UTP4: variants seen among roughly 807,000 people sequenced by gnomAD.
UTP4 encodes the protein UTP4 small subunit processome component.
In UTP4, 45 loss-of-function variants were observed where a neutral mutation model predicts 82.4. The observed-to-expected ratio is 0.55, with a 90% CI of 0.43 to 0.70. UTP4 has a LOEUF of 0.70. Ranked by LOEUF, UTP4 falls within the 30% of genes least tolerant of loss-of-function variation. The pLI, the probability that UTP4 is intolerant of heterozygous loss-of-function variation, is 0.00. For missense variants in UTP4, 819 were observed against 858.3 expected (o/e 0.95, Z 0.57); for synonymous variants, 348 against 300.3 (o/e 1.16, Z -1.64).
chr16:69,139,436 C>T (rs967227361), intron 4 of UTP4, among the ~76,000 whole-genome samples: 1 of 151,154 alleles, frequency 6.6e-6, no homozygotes, highest in African/African-American at 2.4e-5. Flanking sequence ...GTCAGGAGTT[C>T]GAAACCAGCG....
intron 6 of UTP4, among the ~76,000 whole-genome samples, chr16:69,149,729 A>G (rs1184901566): frequency 6.7e-6 from 1 of 149,606 alleles, no homozygotes; most frequent in Non-Finnish European, 1.5e-5. Flanking sequence ...TGTTTCTTGC[A>G]TTTTTTTTTC....
chr16:69,148,958 G>C (rs1484714352), intron 6 of UTP4, among the ~76,000 whole-genome samples: 1 of 151,922 alleles, frequency 6.6e-6, no homozygotes, highest in Non-Finnish European at 1.5e-5. Flanking sequence ...GTTTTGTTTT[G>C]TTTTTTCTTG....
intron 11 of UTP4, among the ~76,000 whole-genome samples, chr16:69,156,293 T>C (rs1963413143): frequency 6.6e-6 from 1 of 151,732 alleles, no homozygotes; most frequent in Admixed American, 6.6e-5. Flanking sequence ...TACCTGGGAT[T>C]ACAAGCACCC....
chr16:69,139,156 A>T (rs1962891425), intron 4 of UTP4: 1 of 150,246 alleles, frequency 6.7e-6, no homozygotes, highest in African/African-American at 2.4e-5. Context: ...TTTAGTAGAG[A>T]CGGGGTTTCA....
At position 69,167,176 on chromosome 16, in the gene UTP4, G is replaced by T; in HGVS notation, c.1935G>T (p.Lys645Asn). The change falls in exon 16 of 17, where the codon AAG becomes AAT. Residue 645 changes from lysine to asparagine, a missense_variant. Coordinates refer to ENST00000314423, the MANE Select transcript of UTP4 (RefSeq NM_032830.3). ...CAGCTCATGCTTTTAAAATTTCTAA[G>T]ATATATAAGGTAAAACATCTTGTGT... ...RRTAHAFKIS[K>N]IYKPLLFMDL... The T allele has an allele frequency of 2.5e-6, 4 of 1,595,748 alleles. No homozygotes were observed. Among genetic ancestry groups the T allele is most frequent in the Non-Finnish European group, 3.4e-6 (4 of 1,163,278 alleles).
rs145910976 is a variant in UTP4 at position 69,154,183 on chromosome 16, G to A, written c.1100-210G>A. ...TATGGACTAGAGCTTCAGGGAATTA[G>A]TGATGTATCAGAGGATAGAAGCAAA... On this transcript the variant is annotated intron_variant, in intron 9 of 16. Transcript: ENST00000314423. Among the ~76,000 whole-genome samples the A allele has an allele frequency of 8.6e-4, 131 of 152,276 alleles. No homozygotes were observed. In the Middle Eastern group the frequency reaches 0.017, roughly 20 times the overall value.
chr16:69,147,001 C>CAAAAAAAAAAAAAAAAAAAAA (rs71148965), intron 6 of UTP4, among the ~76,000 whole-genome samples: 1 of 85,786 alleles, frequency 1.2e-5, no homozygotes, highest in Non-Finnish European at 2.3e-5. Flanking sequence ...GACTCTGCCT[C>CAAAAAAAAAAAAAAAAAAAAA]AAAAAAAAAA....
chr16:69,158,759 C>T (rs1237550983), intron 12 of UTP4, among the ~76,000 whole-genome samples: 1 of 152,144 alleles, frequency 6.6e-6, no homozygotes, highest in Non-Finnish European at 1.5e-5. Context: ...TTAGCTTGCA[C>T]TGTTCCCCAT....
chr16:69,153,078 G>C (rs540295367), intron 8 of UTP4, among the ~76,000 whole-genome samples: 1 of 151,978 alleles, frequency 6.6e-6, no homozygotes, highest in African/African-American at 2.4e-5. Flanking sequence ...TGCACCTCTC[G>C]TGCTTGTAGC....
chr16:69,141,587 T>C (rs565875577), intron 5 of UTP4, among the ~76,000 whole-genome samples: 2 of 152,298 alleles, frequency 1.3e-5, no homozygotes, highest in East Asian at 3.9e-4. Context: ...TCTGGACACC[T>C]GGTAGGTTCT....
chr16:69,163,949 G>A (rs188345681), intron 14 of UTP4, among the ~76,000 whole-genome samples: 3 of 148,742 alleles, frequency 2.0e-5, no homozygotes, highest in East Asian at 2.0e-4. Context: ...GCAGTGGTGC[G>A]ATCTCCGATC....
Position 69,143,340 on chromosome 16 carries a change from A to G in UTP4, c.689A>G (p.Lys230Arg), listed in dbSNP as rs751183686. The change falls in exon 6 of 17, where the codon AAG becomes AGG. Residue 230 changes from lysine to arginine, a missense_variant. Transcript: ENST00000314423. ...GACTCAGCCACTGGGACGCTTGTGA[A>G]GAGCCATCTCATCGCTAATGCTGAC... ...FWDSATGTLV[K>R]SHLIANADVQ... The G allele has an allele frequency of 5.6e-6, 9 of 1,614,064 alleles. No individual in the cohort carries two copies. The South Asian group carries it at 8.8e-5, about 16-fold the overall frequency.
intron 6 of UTP4, among the ~76,000 whole-genome samples, chr16:69,143,881 G>A (rs959270888): frequency 1.3e-5 from 2 of 150,364 alleles, no homozygotes; most frequent in African/African-American, 4.9e-5. Flanking sequence ...TTATTTAGTA[G>A]TAGTTCTTTT....
At chr16:69,133,749 A>G (rs1962723965) in intron 2 of UTP4, 131 bp downstream of exon 2, 1 of 884,540 alleles carries the variant, frequency 1.1e-6, no homozygotes, top group South Asian at 1.4e-5. Flanking sequence ...TAGAACTACC[A>G]AACTTCTGAG....
rs561284351 is a variant in UTP4 at position 69,149,917 on chromosome 16, C to T, written c.739-620C>T. Among the ~76,000 whole-genome samples, 20 of 151,922 alleles carry T rather than the reference C, an allele frequency of 1.3e-4. No individual in the cohort carries two copies. In the East Asian group the frequency reaches 3.7e-3, roughly 28 times the overall value. On this transcript the variant is annotated intron_variant, in intron 6 of 16. Coordinates refer to ENST00000314423, the MANE Select transcript of UTP4 (RefSeq NM_032830.3). ...CTAATTTTTGTATTTTTAGTAGCGA[C>T]GGGGTTCACCATGTTGGCCAGGCTG...
intron 6 of UTP4, among the ~76,000 whole-genome samples, chr16:69,147,896 A>G (rs561253023): frequency 4.0e-5 from 6 of 151,764 alleles, no homozygotes; most frequent in African/African-American, 1.4e-4. Flanking sequence ...TTTTCTTTTT[A>G]GCTGGGACTA....
chr16:69,147,361 T>G (rs1387046555), intron 6 of UTP4, among the ~76,000 whole-genome samples: 1 of 148,954 alleles, frequency 6.7e-6, no homozygotes, highest in Admixed American at 6.7e-5. Context: ...AAAAATTAGC[T>G]GGGCGTGGCG....
At chr16:69,149,959 C>T (rs748065885) in intron 6 of UTP4, among the ~76,000 whole-genome samples, 4 of 152,102 alleles carry the variant, frequency 2.6e-5, no homozygotes, top group Admixed American at 6.5e-5. Flanking sequence ...AACTCCTGGC[C>T]TCAAGTGATC....
chr16:69,149,649 C>G (rs756301810), intron 6 of UTP4, among the ~76,000 whole-genome samples: 1 of 152,138 alleles, frequency 6.6e-6, no homozygotes, highest in Non-Finnish European at 1.5e-5. Context: ...TACCCAGTCT[C>G]CTGAGTAGCT....
Sources: gnomAD v4.1 joint callset for allele counts (sites outside exome capture counted in the v4.1 genomes callset) on GRCh38, gnomAD v4.1.1 for gene constraint, MANE v1.5 for transcripts, NCBI Gene and HGNC (gene_info 2026-07-23, HGNC 2026-07-21) for gene names.